ELAVL2: variants seen among roughly 807,000 people sequenced by gnomAD.
ELAVL2 encodes the protein ELAV like RNA binding protein 2, also known as ELAV-like protein 2.
Under a neutral mutation model 34.6 loss-of-function variants are expected in ELAVL2, and 4 were observed. The observed-to-expected ratio is 0.12, with a 90% CI of 0.06 to 0.26. The LOEUF (loss-of-function observed/expected upper bound fraction) is 0.26, where lower values mean the gene tolerates loss of function less well. Ranked by LOEUF, ELAVL2 falls within the 10% of genes least tolerant of loss-of-function variation. ELAVL2 has a pLI of 1.00. For missense variants in ELAVL2, 432 were observed against 442.8 expected (o/e 0.98, Z 0.22); for synonymous variants, 193 against 154.8 (o/e 1.25, Z -1.83).
intron 3 of ELAVL2, among the ~76,000 whole-genome samples, chr9:23,721,810 C>T (rs558458650): frequency 6.6e-6 from 1 of 152,162 alleles, no homozygotes; most frequent in African/African-American, 2.4e-5. Flanking sequence ...TTAACCTTTT[C>T]TTTTCTCTAG....
intron 1 of ELAVL2, among the ~76,000 whole-genome samples, chr9:23,791,651 A>T (rs530358767): frequency 6.6e-6 from 1 of 152,324 alleles, no homozygotes; most frequent in East Asian, 1.9e-4. Context: ...TGGTGTCCAT[A>T]TAAGAAAAGG....
chr9:23,765,054 A>C (rs1364071873), intron 1 of ELAVL2: 1 of 1,609,732 alleles, frequency 6.2e-7, no homozygotes, highest in South Asian at 1.1e-5. Flanking sequence ...TAAGCAGAGA[A>C]GCCACATCAC....
intron 1 of ELAVL2, among the ~76,000 whole-genome samples, chr9:23,782,160 C>T (rs1410193916): frequency 2.0e-5 from 3 of 152,080 alleles, no homozygotes; most frequent in Non-Finnish European, 4.4e-5. Flanking sequence ...AGCAGATAAC[C>T]AAGTCAAAAC....
chr9:23,794,405 C>A (rs1471342658), intron 1 of ELAVL2, among the ~76,000 whole-genome samples: 1 of 152,200 alleles, frequency 6.6e-6, no homozygotes, highest in Non-Finnish European at 1.5e-5. Flanking sequence ...AACACACGTA[C>A]AGCAGGCCTC....
intron 2 of ELAVL2, among the ~76,000 whole-genome samples, chr9:23,758,310 C>T (rs2054068337): frequency 6.6e-6 from 1 of 152,046 alleles, no homozygotes; most frequent in African/African-American, 2.4e-5. Flanking sequence ...TTTCAAAGTA[C>T]AACCACTCAG....
chr9:23,745,182 C>T (rs1049479217), intron 2 of ELAVL2, among the ~76,000 whole-genome samples: 1 of 152,086 alleles, frequency 6.6e-6, no homozygotes. Flanking sequence ...CCATCCTGGG[C>T]AGTGACAGAG....
rs2048633694 is a variant in ELAVL2, at chr9:23,764,885, A to C, written c.-15-2636T>G. 5.1e-6 allele frequency: 5 copies of C among 973,266 alleles called. No homozygotes were observed. In the South Asian group the frequency reaches 6.0e-5, roughly 12 times the overall value. The allele number at this position is 973,266 out of a possible 1,614,324, so 60.3% of individuals were successfully genotyped here. ...AAGTCCTAATGATGGCCATACCACA[A>C]TAGGTTAAATGTAAGAATAATTAGT... On this transcript the variant is annotated intron_variant, in intron 1 of 6. Transcript: ENST00000397312.
chr9:23,822,162 G>A (rs1304939482), intron 1 of ELAVL2, among the ~76,000 whole-genome samples: 2 of 152,086 alleles, frequency 1.3e-5, no homozygotes, highest in Non-Finnish European at 2.9e-5. Context: ...CTAACGTGGG[G>A]GTTACTTTAT....
At chr9:23,757,733 A>G (rs1275612404) in intron 2 of ELAVL2, among the ~76,000 whole-genome samples, 1 of 152,110 alleles carries the variant, frequency 6.6e-6, no homozygotes, top group Admixed American at 6.6e-5. Flanking sequence ...GCAGAAGCCC[A>G]AAGAGACGGA....
intron 1 of ELAVL2, chr9:23,821,563 AGGCGCGGACGCCGTCCCCGCCCC>A (rs1304619549): frequency 2.0e-5 from 3 of 152,416 alleles, no homozygotes; most frequent in Non-Finnish European, 4.4e-5. Context: ...ACCAGGGGCA[AGGCGCGGACGCCGTCCCCGCCCC>A]CACGCCCCCA....
chr9:23,716,077 TCAC>T (rs1473770913), intron 3 of ELAVL2, among the ~76,000 whole-genome samples: 4 of 149,964 alleles, frequency 2.7e-5, no homozygotes, highest in Non-Finnish European at 4.4e-5. Context: ...TCTTTGTTTT[TCAC>T]CACATGTTCT....
At chr9:23,793,623 CTCTT>C (rs371873197) in intron 1 of ELAVL2, among the ~76,000 whole-genome samples, 3 of 152,300 alleles carry the variant, frequency 2.0e-5, no homozygotes, top group Non-Finnish European at 4.4e-5. Flanking sequence ...CTTCAACACT[CTCTT>C]TATGAGAGCC....
At chr9:23,792,710 A>G (rs1204538707) in intron 1 of ELAVL2, among the ~76,000 whole-genome samples, 2 of 152,214 alleles carry the variant, frequency 1.3e-5, no homozygotes, top group Non-Finnish European at 2.9e-5. Context: ...CATAAGGTCA[A>G]AATGACCCAT....
chr9:23,720,331 G>A (rs2043350535), intron 3 of ELAVL2, among the ~76,000 whole-genome samples: 2 of 151,864 alleles, frequency 1.3e-5, no homozygotes, highest in African/African-American at 4.8e-5. Flanking sequence ...CCGCCACCAT[G>A]TTCGGCTAAT....
chr9:23,730,599 G>T (rs2046291563), intron 3 of ELAVL2, among the ~76,000 whole-genome samples: 2 of 152,242 alleles, frequency 1.3e-5, no homozygotes, highest in African/African-American at 2.4e-5. Context: ...ATTTGTTTAT[G>T]TAGTGGCTAT....
chr9:23,842,631 A>T, the ELAVL2 span, among the ~76,000 whole-genome samples: 1 of 152,252 alleles, frequency 6.6e-6, no homozygotes, highest in Admixed American at 6.5e-5. Flanking sequence ...CTTAGTGGAT[A>T]CTAAATAGCT....
At chr9:23,774,799 CTTATA>C (rs2057932134) in intron 1 of ELAVL2, among the ~76,000 whole-genome samples, 1 of 152,068 alleles carries the variant, frequency 6.6e-6, no homozygotes, top group African/African-American at 2.4e-5. Context: ...GCATCTTGTA[CTTATA>C]TTCAGATTTA....
chr9:23,814,618 C>A (rs1235269267), intron 1 of ELAVL2, among the ~76,000 whole-genome samples: 2 of 152,066 alleles, frequency 1.3e-5, no homozygotes, highest in African/African-American at 2.4e-5. Context: ...GTAAATAGCA[C>A]CTGGGGAGAT....
chr9:23,754,954 A>G (rs1366077089), intron 2 of ELAVL2, among the ~76,000 whole-genome samples: 1 of 152,164 alleles, frequency 6.6e-6, no homozygotes, highest in Non-Finnish European at 1.5e-5. Flanking sequence ...TTATGCATAC[A>G]GTTCTGTATA....
Sources: gnomAD v4.1 joint callset for allele counts (sites outside exome capture counted in the v4.1 genomes callset) on GRCh38, gnomAD v4.1.1 for gene constraint, MANE v1.5 for transcripts, NCBI Gene and HGNC (gene_info 2026-07-23, HGNC 2026-07-21) for gene names.